Variants in BCL2L14 observed in about 807,000 individuals in gnomAD.
BCL2L14 encodes the protein apoptosis facilitator Bcl-2-like protein 14.
BCL2L14 carries 27 observed loss-of-function variants against 35.3 expected under a neutral mutation model. The observed-to-expected ratio is 0.76, with a 90% CI of 0.56 to 1.05. The LOEUF (loss-of-function observed/expected upper bound fraction) is 1.05, where lower values mean the gene tolerates loss of function less well. Among genes scored for constraint, BCL2L14 ranks in the 50% least tolerant of loss-of-function variants. The pLI is 0.00. For synonymous variants in BCL2L14, 139 were observed against 145.9 expected (o/e 0.95, Z 0.34); for missense variants, 377 against 382.6 (o/e 0.99, Z 0.12).
intron 1 of BCL2L14, among the ~76,000 whole-genome samples, chr12:12,073,299 T>C (rs767450893): frequency 6.6e-6 from 1 of 152,206 alleles, no homozygotes; most frequent in Non-Finnish European, 1.5e-5. Flanking sequence ...GTAGCCTCCT[T>C]CTGGGGCTGG....
At chr12:12,088,177 A>G (rs1949089696) in intron 3 of BCL2L14, among the ~76,000 whole-genome samples, 1 of 152,200 alleles carries the variant, frequency 6.6e-6, no homozygotes, top group African/African-American at 2.4e-5. Flanking sequence ...GGCAAAACAA[A>G]GAGAAAGGAG....
At chr12:12,094,415 T>C (rs1949264339) in intron 4 of BCL2L14, 1 of 1,130,204 alleles carries the variant, frequency 8.8e-7, no homozygotes. Context: ...GAAATATTTG[T>C]TAAATGTCAA....
At chr12:12,053,540 C>G (rs1270985794) in intron 2 of BCL2L14, among the ~76,000 whole-genome samples, 5 of 152,140 alleles carry the variant, frequency 3.3e-5, no homozygotes. Context: ...CCTGCCTCAG[C>G]CTCCCGAGTA....
At chr12:12,066,392 C>CA (rs748573998), upstream of BCL2L14, among the ~76,000 whole-genome samples, 69 of 152,318 alleles carry the variant, frequency 4.5e-4, no homozygotes, top group South Asian at 4.8e-3. Flanking sequence ...TCTGGCCTTT[C>CA]AAGTCTTCTT....
intron 3 of BCL2L14, 128 bp from the exon 4 acceptor site, chr12:12,090,651 A>AT: frequency 1.6e-6 from 1 of 616,512 alleles, no homozygotes; most frequent in Non-Finnish European, 2.7e-6. Flanking sequence ...AAAAATAAAA[A>AT]AAAAAAAAAG....
intron 2 of BCL2L14, among the ~76,000 whole-genome samples, chr12:12,058,945 T>G (rs1048222349): frequency 6.6e-6 from 1 of 152,186 alleles, no homozygotes; most frequent in Non-Finnish European, 1.5e-5. Flanking sequence ...CGGCCTCTTT[T>G]TACTCTCTTC....
At chr12:12,078,958 G>A (rs1948845618) in intron 1 of BCL2L14, among the ~76,000 whole-genome samples, 1 of 152,168 alleles carries the variant, frequency 6.6e-6, no homozygotes, top group African/African-American at 2.4e-5. Context: ...CACCATGCCT[G>A]GCTAATTTTT....
intron 2 of BCL2L14, among the ~76,000 whole-genome samples, chr12:12,081,835 G>C (rs1948932006): frequency 6.6e-6 from 1 of 152,176 alleles, no homozygotes; most frequent in Admixed American, 6.5e-5. Context: ...GGGATTACAA[G>C]TGTGAGCCAC....
Position 12,099,695 on chromosome 12 carries a change from A to G in BCL2L14, c.*707A>G, listed in dbSNP as rs928685125. On this transcript the variant is annotated 3_prime_UTR_variant, in exon 6 of 6. Coordinates refer to ENST00000308721, the MANE Select transcript of BCL2L14 (RefSeq NM_138723.2). ...AATACATAGAAAGACTACTGTCAAA[A>G]GAGTGTCTTCTGATTAGTAAGTAAT... is the stretch of plus-strand genomic sequence containing the variant. 2 of 152,224 alleles carry G rather than the reference A, an allele frequency of 1.3e-5. No individual in the cohort carries two copies. The highest frequency in any genetic ancestry group is 4.8e-5 in the African/African-American group (2 of 41,458). The allele number at this position is 152,224 out of a possible 1,614,324, so 9.4% of individuals were successfully genotyped here.
chr12:12,090,638 A>G, intron 3 of BCL2L14, 141 bp from the exon 4 acceptor site: 1 of 584,958 alleles, frequency 1.7e-6, no homozygotes, highest in South Asian at 2.5e-5. Flanking sequence ...TGTCTAAAAA[A>G]TAAAAAATAA....
rs1160011955 is a variant in BCL2L14, at chr12:12,099,436, T to A, written c.*448T>A. 1 of 158,156 alleles carries A rather than the reference T, an allele frequency of 6.3e-6. No homozygotes were observed. The highest frequency in any genetic ancestry group is 1.4e-5 in the Non-Finnish European group (1 of 72,410). The allele number at this position is 158,156 out of a possible 1,614,324, so 9.8% of individuals were successfully genotyped here. A position where few individuals can be genotyped will look rare whatever the true frequency, so the allele number is the denominator to read the frequency against. Reference sequence around the variant, plus strand: ...TGGGGTGGCCTAATACCTAGGAAGATGTTGCTATTCACGTTAGTAAACAGC... The same window carrying A: ...TGGGGTGGCCTAATACCTAGGAAGAAGTTGCTATTCACGTTAGTAAACAGC... On this transcript the variant is annotated 3_prime_UTR_variant, in exon 6 of 6. Coordinates refer to ENST00000308721, the MANE Select transcript of BCL2L14 (RefSeq NM_138723.2).
intron 1 of BCL2L14, among the ~76,000 whole-genome samples, chr12:12,074,268 T>C (rs1050209047): frequency 1.3e-5 from 2 of 152,116 alleles, no homozygotes; most frequent in Non-Finnish European, 2.9e-5. Context: ...GCACCTACCA[T>C]GTATCAAGCA....
intron 2 of BCL2L14, among the ~76,000 whole-genome samples, chr12:12,052,331 C>T (rs990138985): frequency 6.6e-6 from 1 of 152,190 alleles, no homozygotes; most frequent in African/African-American, 2.4e-5. Context: ...ATTAGTAAAG[C>T]TTATTCCTCT....
Position 12,094,867 on chromosome 12 carries a change from G to C in BCL2L14, c.882G>C (p.Leu294=). The change falls in exon 5 of 6, where the codon CTG becomes CTC. Residue 294 remains leucine, a synonymous_variant. Transcript: ENST00000308721. ...ACAACCACCCGATGAACAGGGTCCT[G>C]GGCTTTGGCACCAAGTACCTGAAAG... ...AIDNHPMNRV[L]GFGTKYLKEN... 1 of 1,614,170 alleles carries C rather than the reference G, an allele frequency of 6.2e-7. No homozygotes were observed. Among genetic ancestry groups the C allele is most frequent in the Non-Finnish European group, 8.5e-7 (1 of 1,180,046 alleles).
At chr12:12,078,855 G>A (rs1320013286) in intron 1 of BCL2L14, among the ~76,000 whole-genome samples, 1 of 152,174 alleles carries the variant, frequency 6.6e-6, no homozygotes, top group African/African-American at 2.4e-5. Flanking sequence ...GGAGTGCAGT[G>A]GCGCAATCTC....
intron 3 of BCL2L14, among the ~76,000 whole-genome samples, chr12:12,090,386 T>A (rs139165302): frequency 0.03 from 4,544 of 152,258 alleles, 111 homozygotes; most frequent in Middle Eastern, 0.092. Context: ...TTCCAGCACT[T>A]TGGGAGGCCG....
chr12:12,053,758 C>T (rs1948392146), intron 2 of BCL2L14, among the ~76,000 whole-genome samples: 3 of 152,142 alleles, frequency 2.0e-5, no homozygotes, highest in Non-Finnish European at 1.5e-5. Flanking sequence ...CAGCCTCAGA[C>T]GACACTGGCT....
In BCL2L14 at chr12:12,099,025, CT is replaced by C; in HGVS notation, c.*38del. On this transcript the variant is annotated 3_prime_UTR_variant, in exon 6 of 6. Coordinates refer to ENST00000308721, the MANE Select transcript of BCL2L14 (RefSeq NM_138723.2). ...TGTCATCAGGAATACTCTTTGTCTA[CT>C]GTGGTCCTGTGCACGTTGGCCTCAG... The C allele has an allele frequency of 6.7e-7, 1 of 1,493,954 alleles. No homozygotes were observed. The highest frequency in any genetic ancestry group is 9.3e-7 in the Non-Finnish European group (1 of 1,070,680). The allele number at this position is 1,493,954 out of a possible 1,614,324, so 92.5% of individuals were successfully genotyped here.
intron 3 of BCL2L14, among the ~76,000 whole-genome samples, chr12:12,090,410 A>T (rs772694723): frequency 1.3e-5 from 2 of 152,114 alleles, no homozygotes; most frequent in Non-Finnish European, 2.9e-5. Context: ...TGGGTGGACC[A>T]CCTGAGGTCA....
Sources: allele counts gnomAD v4.1 joint callset (sites outside exome capture counted in the v4.1 genomes callset), GRCh38; gene constraint gnomAD v4.1.1; transcripts MANE v1.5; gene names NCBI Gene and HGNC (gene_info 2026-07-23, HGNC 2026-07-21).